Variants in PRKCE observed in about 807,000 individuals in gnomAD.
The protein encoded by PRKCE is protein kinase C epsilon type.
In PRKCE, 16 loss-of-function variants were observed where a neutral mutation model predicts 85.4. The ratio of observed to expected loss-of-function variants is 0.19; its 90% confidence interval spans 0.13 to 0.28. The LOEUF is 0.28. Among genes scored for constraint, PRKCE ranks in the 10% least tolerant of loss-of-function variants. The pLI, the probability that PRKCE is intolerant of heterozygous loss-of-function variation, is 1.00. For missense variants in PRKCE, 573 were observed against 975.2 expected, an observed-to-expected ratio of 0.59 and a Z score of 5.49; for synonymous variants, 388 against 371.5, an observed-to-expected ratio of 1.04 and a Z score of -0.51.
intron 10 of PRKCE, among the ~76,000 whole-genome samples, chr2:46,049,095 C>G (rs984872721): frequency 6.6e-6 from 1 of 152,154 alleles, no homozygotes; most frequent in African/African-American, 2.4e-5. Context: ...CCTTCATAGT[C>G]AGAATTGAAA....
intron 2 of PRKCE, among the ~76,000 whole-genome samples, chr2:45,945,879 G>A (rs1474553388): frequency 6.6e-6 from 1 of 152,192 alleles, no homozygotes; most frequent in Admixed American, 6.5e-5. Context: ...CCATTTGAAG[G>A]ACTTCTCTAT....
In PRKCE at chr2:46,084,883, C is replaced by T. The variant is rs931408685; in HGVS notation, c.1438-1325C>T. ...TGGCATTGGTTCCTGCTGCCCCCGA[C>T]CTTCTTTTTCTCTCCAGGCCTAGCT... On this transcript the variant is annotated intron_variant, in intron 10 of 14. Coordinates refer to ENST00000306156, the MANE Select transcript of PRKCE (RefSeq NM_005400.3). 2.0e-5 allele frequency among the ~76,000 whole-genome samples: 3 copies of T among 152,152 alleles called. No homozygotes were observed. In the South Asian group the frequency reaches 6.2e-4, roughly 32 times the overall value.
chr2:46,143,387 G>A (rs1675753193), intron 11 of PRKCE, among the ~76,000 whole-genome samples: 2 of 152,128 alleles, frequency 1.3e-5, no homozygotes, highest in South Asian at 4.1e-4. Context: ...GCTTCTCAAG[G>A]ACTCAGACAT....
chr2:46,130,789 A>G (rs1674361417), intron 11 of PRKCE, among the ~76,000 whole-genome samples: 1 of 152,218 alleles, frequency 6.6e-6, no homozygotes, highest in Admixed American at 6.5e-5. Context: ...TGTCCTGTAC[A>G]CAGGTAGAAA....
chr2:45,888,494 T>C (rs1254994446), intron 2 of PRKCE, among the ~76,000 whole-genome samples: 1 of 110,952 alleles, frequency 9.0e-6, no homozygotes, highest in Non-Finnish European at 1.8e-5. Context: ...TTTTTTGAGC[T>C]GGAGTTTCAT....
intron 1 of PRKCE, among the ~76,000 whole-genome samples, chr2:45,675,119 A>G (rs1222099010): frequency 6.6e-6 from 1 of 152,246 alleles, no homozygotes; most frequent in Non-Finnish European, 1.5e-5. Flanking sequence ...CAGCAGGCAG[A>G]TCTTGGAGAC....
intron 11 of PRKCE, among the ~76,000 whole-genome samples, chr2:46,131,985 AT>A (rs1440317809): frequency 2.6e-5 from 4 of 152,030 alleles, no homozygotes; most frequent in African/African-American, 9.7e-5. Context: ...TTTTATTATT[AT>A]TATTTATTAT....
intron 8 of PRKCE, among the ~76,000 whole-genome samples, chr2:46,005,811 A>G (rs1051418699): frequency 6.6e-6 from 1 of 152,160 alleles, no homozygotes; most frequent in African/African-American, 2.4e-5. Flanking sequence ...CTCATTCCAA[A>G]TGAGATTTGA....
At chr2:45,729,519 T>G (rs1319560209) in intron 1 of PRKCE, among the ~76,000 whole-genome samples, 1 of 152,104 alleles carries the variant, frequency 6.6e-6, no homozygotes, top group Non-Finnish European at 1.5e-5. Flanking sequence ...CTTTTCCCCC[T>G]CCTACAGCAA....
At chr2:45,791,708 T>C (rs894068736) in intron 1 of PRKCE, among the ~76,000 whole-genome samples, 1 of 152,222 alleles carries the variant, frequency 6.6e-6, no homozygotes, top group Non-Finnish European at 1.5e-5. Context: ...AAAGACAGCC[T>C]TTCCTTGATG....
intron 1 of PRKCE, among the ~76,000 whole-genome samples, chr2:45,743,741 G>T (rs1461883875): frequency 6.6e-6 from 1 of 152,182 alleles, no homozygotes. Flanking sequence ...TTTTAAGACT[G>T]TGTTTAGTCC....
intron 1 of PRKCE, among the ~76,000 whole-genome samples, chr2:45,719,249 G>C (rs1680409960): frequency 2.0e-5 from 3 of 152,230 alleles, no homozygotes; most frequent in Admixed American, 2.0e-4. Context: ...CGGCTTCTTG[G>C]AGATGATGTT....
chr2:45,772,416 G>T (rs904653638), intron 1 of PRKCE, among the ~76,000 whole-genome samples: 6 of 152,158 alleles, frequency 3.9e-5, no homozygotes, highest in Non-Finnish European at 8.8e-5. Flanking sequence ...GGGAGGGACA[G>T]TCTCCTATCT....
chr2:46,166,631 C>T (rs1489486339), intron 14 of PRKCE, among the ~76,000 whole-genome samples: 1 of 152,228 alleles, frequency 6.6e-6, no homozygotes, highest in African/African-American at 2.4e-5. Context: ...CCCTGGACCT[C>T]TGGCTTCCTT....
At position 45,895,891 on chromosome 2, in the gene PRKCE, A is replaced by G. The variant is rs1429787845; in HGVS notation, c.412+52828A>G. Among the ~76,000 whole-genome samples the G allele has an allele frequency of 6.6e-6, 1 of 152,158 alleles. No individual in the cohort carries two copies. Among genetic ancestry groups the G allele is most frequent in the East Asian group, 1.9e-4 (1 of 5,186 alleles). ...GAGGATGCAGGCAAGGGGCTCCCAGAGGAGTTGGTGTCTGGGCTGTGGCTG... is the reference window on the plus strand; with the variant it reads ...GAGGATGCAGGCAAGGGGCTCCCAGGGGAGTTGGTGTCTGGGCTGTGGCTG... On this transcript the variant is annotated intron_variant, in intron 2 of 14. Coordinates refer to ENST00000306156, the MANE Select transcript of PRKCE (RefSeq NM_005400.3). The surrounding 1 kb of genome is among the most constrained non-coding windows in gnomAD (Gnocchi z 4.8).
chr2:45,947,380 A>T (rs997848644), intron 2 of PRKCE, among the ~76,000 whole-genome samples: 3 of 152,086 alleles, frequency 2.0e-5, no homozygotes, highest in Admixed American at 1.3e-4. Flanking sequence ...TTTGCGGGGG[A>T]TGAAAATGTT....
At chr2:46,108,608 G>T (rs1671967666) in intron 11 of PRKCE, among the ~76,000 whole-genome samples, 3 of 152,174 alleles carry the variant, frequency 2.0e-5, no homozygotes, top group Admixed American at 1.3e-4. Flanking sequence ...CCACAATGCA[G>T]TATATCAATG....
chr2:45,906,963 C>T (rs988265181), intron 2 of PRKCE, among the ~76,000 whole-genome samples: 5 of 152,140 alleles, frequency 3.3e-5, no homozygotes, highest in African/African-American at 9.7e-5. Flanking sequence ...TGAGTGTGGG[C>T]CCAGAGAACA....
intron 11 of PRKCE, among the ~76,000 whole-genome samples, chr2:46,087,303 A>G (rs1669742448): frequency 6.6e-6 from 1 of 152,146 alleles, no homozygotes; most frequent in Non-Finnish European, 1.5e-5. Flanking sequence ...TTTGTTGCCA[A>G]CTGGAAGTGT....
Sources: gnomAD v4.1 joint callset for allele counts (sites outside exome capture counted in the v4.1 genomes callset) on GRCh38, gnomAD v4.1.1 for gene constraint, Gnocchi (gnomAD v3.1) non-coding constraint, MANE v1.5 for transcripts, NCBI Gene and HGNC (gene_info 2026-07-23, HGNC 2026-07-21) for gene names.